Variants in CSMD3 observed in about 807,000 individuals in gnomAD.
CSMD3 encodes CUB and Sushi multiple domains 3.
A neutral mutation model predicts 435.2 loss-of-function variants in CSMD3; 177 were observed. The observed-to-expected ratio is 0.41, with a 90% CI of 0.36 to 0.46. CSMD3 has a LOEUF of 0.46. CSMD3 is among the 20% of genes least tolerant of loss of function. The pLI, the probability that CSMD3 is intolerant of heterozygous loss-of-function variation, is 0.34. For missense variants in CSMD3, 4,265 were observed against 4,504.6 expected (o/e 0.95, Z 1.52); for synonymous variants, 1,656 against 1,520.5 (o/e 1.09, Z -2.07).
intron 7 of CSMD3, among the ~76,000 whole-genome samples, chr8:112,974,573 G>C (rs78918370): frequency 1.3e-5 from 2 of 151,432 alleles, no homozygotes; most frequent in Non-Finnish European, 3.0e-5. Flanking sequence ...ATTTTAACAC[G>C]GTCCCTATAT....
chr8:112,297,919 A>G (rs1033693591), intron 53 of CSMD3, among the ~76,000 whole-genome samples: 1 of 151,894 alleles, frequency 6.6e-6, no homozygotes, highest in African/African-American at 2.4e-5. Context: ...CCACAATTTC[A>G]AGACCAGCCT....
chr8:112,423,634 A>C (rs1050418874), intron 32 of CSMD3, among the ~76,000 whole-genome samples: 4 of 152,072 alleles, frequency 2.6e-5, no homozygotes, highest in Non-Finnish European at 5.9e-5. Flanking sequence ...TTGTAGAGAC[A>C]GAGTTTCACC....
intron 1 of CSMD3, among the ~76,000 whole-genome samples, chr8:113,378,603 T>C (rs2133093782): frequency 6.6e-6 from 1 of 152,324 alleles, no homozygotes; most frequent in South Asian, 2.1e-4. Context: ...GCAGCGAACC[T>C]AAAAAGAGCC....
At chr8:113,339,648 T>C (rs192470696) in intron 1 of CSMD3, among the ~76,000 whole-genome samples, 30 of 152,130 alleles carry the variant, frequency 2.0e-4, no homozygotes, top group African/African-American at 5.5e-4. Context: ...AATTTTTTCA[T>C]TGTGTTTAGA....
At chr8:112,702,849 C>A (rs1438810240) in intron 13 of CSMD3, among the ~76,000 whole-genome samples, 1 of 152,060 alleles carries the variant, frequency 6.6e-6, no homozygotes, top group African/African-American at 2.4e-5. Context: ...CCGCTGTCCT[C>A]CAAGCTGTGG....
intron 69 of CSMD3, among the ~76,000 whole-genome samples, chr8:112,231,307 G>T (rs1813062964): frequency 6.6e-6 from 1 of 152,096 alleles, no homozygotes; most frequent in Non-Finnish European, 1.5e-5. Context: ...AAGCCAGTTT[G>T]TCATATTTAT....
intron 6 of CSMD3, among the ~76,000 whole-genome samples, chr8:113,013,260 G>C (rs1420072313): frequency 6.6e-6 from 1 of 152,040 alleles, no homozygotes; most frequent in Non-Finnish European, 1.5e-5. Context: ...ATTTGTGATA[G>C]TGAGAAATAT....
intron 10 of CSMD3, among the ~76,000 whole-genome samples, chr8:112,877,629 A>G (rs1196868255): frequency 6.6e-6 from 1 of 152,148 alleles, no homozygotes; most frequent in Non-Finnish European, 1.5e-5. Flanking sequence ...AGCAAAAAGA[A>G]CAAAGCTGGA....
chr8:112,636,499 TC>T (rs1208699069), intron 22 of CSMD3, among the ~76,000 whole-genome samples: 1 of 152,056 alleles, frequency 6.6e-6, no homozygotes, highest in East Asian at 1.9e-4. Context: ...TCTATCTATA[TC>T]ATCTATCTTT....
intron 69 of CSMD3, among the ~76,000 whole-genome samples, chr8:112,230,900 G>A (rs1031227800): frequency 2.6e-5 from 4 of 152,090 alleles, no homozygotes; most frequent in African/African-American, 9.7e-5. Flanking sequence ...GTGTATCCCT[G>A]TCACAGTATA....
chr8:112,776,075 A>T (rs2132221709), intron 13 of CSMD3, among the ~76,000 whole-genome samples: 1 of 151,924 alleles, frequency 6.6e-6, no homozygotes, highest in Admixed American at 6.6e-5. Flanking sequence ...CATAAGGAGA[A>T]AATAGATTTT....
intron 32 of CSMD3, among the ~76,000 whole-genome samples, chr8:112,437,145 T>C (rs1814448356): frequency 6.6e-6 from 1 of 152,078 alleles, no homozygotes; most frequent in African/African-American, 2.4e-5. Context: ...ATCAACATTC[T>C]AATGTTAAAA....
chr8:112,798,095 T>C (rs2078871253), intron 13 of CSMD3, among the ~76,000 whole-genome samples: 2 of 151,850 alleles, frequency 1.3e-5, no homozygotes, highest in South Asian at 2.1e-4. Flanking sequence ...TCTTCTGTGA[T>C]GGGTAGAGCT....
intron 28 of CSMD3, 39 bp from the exon 29 acceptor site, chr8:112,506,868 T>G (rs1412301782): frequency 6.5e-7 from 1 of 1,542,250 alleles, no homozygotes; most frequent in South Asian, 1.1e-5. Flanking sequence ...CTTTAAACAT[T>G]AATACAATTT....
At chr8:112,905,208 T>C (rs772109851) in intron 10 of CSMD3, among the ~76,000 whole-genome samples, 1 of 151,242 alleles carries the variant, frequency 6.6e-6, no homozygotes, top group Non-Finnish European at 1.5e-5. Context: ...ATTACCTCTA[T>C]CATAGTTCTT....
chr8:112,953,394 C>T (rs992220081), intron 8 of CSMD3, among the ~76,000 whole-genome samples: 1 of 151,340 alleles, frequency 6.6e-6, no homozygotes, highest in Admixed American at 6.6e-5. Context: ...TGTAGCATTG[C>T]TTATTTTCCT....
At chr8:112,996,581 T>A (rs2085660737) in intron 6 of CSMD3, among the ~76,000 whole-genome samples, 1 of 151,582 alleles carries the variant, frequency 6.6e-6, no homozygotes, top group Non-Finnish European at 1.5e-5. Flanking sequence ...AGTTAATTAA[T>A]TAAGTAGTTT....
intron 6 of CSMD3, among the ~76,000 whole-genome samples, chr8:112,984,548 G>A (rs1329057823): frequency 2.0e-5 from 3 of 151,902 alleles, no homozygotes; most frequent in African/African-American, 7.3e-5. Context: ...GGATCCTCAG[G>A]GTGATACAAA....
chr8:113,094,894 AC>A, intron 5 of CSMD3, among the ~76,000 whole-genome samples: 1 of 152,120 alleles, frequency 6.6e-6, no homozygotes, highest in East Asian at 1.9e-4. Flanking sequence ...ACACAGTGAA[AC>A]CCCGTCTCTA....
Sources: allele counts gnomAD v4.1 joint callset (sites outside exome capture counted in the v4.1 genomes callset), GRCh38; gene constraint gnomAD v4.1.1; transcripts MANE v1.5; gene names NCBI Gene and HGNC (gene_info 2026-07-23, HGNC 2026-07-21).